Variants in TLK1 observed in about 807,000 individuals in gnomAD.
The protein encoded by TLK1 is tousled like kinase 1.
Under a neutral mutation model 105.3 loss-of-function variants are expected in TLK1, and 24 were observed. The observed-to-expected ratio is 0.23, with a 90% CI of 0.17 to 0.32. The LOEUF is 0.32. Ranked by LOEUF, TLK1 falls within the 10% of genes least tolerant of loss-of-function variation. The pLI, the probability that TLK1 is intolerant of heterozygous loss-of-function variation, is 1.00. For missense variants in TLK1, 558 were observed against 910.5 expected, an observed-to-expected ratio of 0.61 and a Z score of 4.98; for synonymous variants, 321 against 310.4, an observed-to-expected ratio of 1.03 and a Z score of -0.36.
At chr2:171,195,463 A>G (rs1485791459) in intron 1 of TLK1, among the ~76,000 whole-genome samples, 2 of 145,996 alleles carry the variant, frequency 1.4e-5, no homozygotes, top group Admixed American at 7.1e-5. Context: ...AGATGGCGCC[A>G]CTGCACTCCA....
At chr2:171,129,759 A>C (rs867394532) in intron 1 of TLK1, among the ~76,000 whole-genome samples, 8 of 152,174 alleles carry the variant, frequency 5.3e-5, no homozygotes, top group Middle Eastern at 3.4e-3. Context: ...GAGCCCAGGA[A>C]GTAGAGGCTG....
chr2:171,028,215 G>C, intron 12 of TLK1, 124 bp downstream of exon 12: 3 of 701,066 alleles, frequency 4.3e-6, no homozygotes, highest in Non-Finnish European at 7.5e-6. Flanking sequence ...TTTTTAATCT[G>C]AAATTTTTAA....
At chr2:171,123,614 C>T (rs965551699) in intron 1 of TLK1, among the ~76,000 whole-genome samples, 1 of 152,142 alleles carries the variant, frequency 6.6e-6, no homozygotes, top group Non-Finnish European at 1.5e-5. Context: ...CCGAGACCAG[C>T]CTGGGCAACA....
rs765863809 is a variant in TLK1 at position 171,046,282 on chromosome 2, G to A, written c.1061C>T (p.Ala354Val). Residue 354 changes from alanine (A) to valine (V), a missense_variant, in exon 11 of 21, where the codon GCT (alanine) becomes GTT (valine). Coordinates refer to ENST00000431350, the MANE Select transcript of TLK1 (RefSeq NM_012290.5). The part of the protein sequence containing the change: ...KLLAKRKPPT[A>V]NNSQAPSTNS... The stretch of plus-strand genomic sequence containing the variant: ...GGTAGAGGGTGCCTGAGAATTATTA[G>A]CTGTGGGAGGTTTGCGTTTGGCTAG... 46 of 1,613,406 alleles carry A rather than the reference G, an allele frequency of 2.9e-5. No homozygotes were observed. Among genetic ancestry groups the A allele is most frequent in the Non-Finnish European group, 3.5e-5 (41 of 1,179,682 alleles).
chr2:171,033,913 CACA>C (rs1030377832), intron 11 of TLK1, among the ~76,000 whole-genome samples: 1 of 147,050 alleles, frequency 6.8e-6, no homozygotes, highest in African/African-American at 2.5e-5. Flanking sequence ...AAAAACCTCC[CACA>C]ACAACAAAAC....
Position 171,184,168 on chromosome 2 carries a change from G to A in TLK1, c.-6+46977C>T, listed in dbSNP as rs1692979042. ...GGGCCAAAAGCCAAGGAACGAGGGT[G>A]GCTTCTAGAAGCTAGAAAAGGCAGG... On this transcript the variant is annotated intron_variant, in intron 1 of 20. Transcript: ENST00000521943. 2.0e-5 allele frequency among the ~76,000 whole-genome samples: 3 copies of A among 152,144 alleles called. No individual in the cohort carries two copies. In the South Asian group the frequency reaches 6.2e-4, roughly 32 times the overall value.
rs1210821850 is a variant in TLK1 at position 171,160,754 on chromosome 2, G to A, written c.-326C>T. 6.6e-5 allele frequency: 29 copies of A among 436,764 alleles called. No homozygotes were observed. Among genetic ancestry groups the A allele is most frequent in the East Asian group, 5.7e-4 (16 of 28,040 alleles). The allele number at this position is 436,764 out of a possible 1,614,324, so 27.1% of individuals were successfully genotyped here. A position where few individuals can be genotyped will look rare whatever the true frequency, so the allele number is the denominator to read the frequency against. ...CCGGGCCGGGGTCGGAGCGCGGGCG[G>A]AGCGCGGGCTGCGCCGGCCGAGGAC... On this transcript the variant is annotated 5_prime_UTR_variant, in exon 1 of 21. Transcript: ENST00000431350. The surrounding 1 kb of genome is among the most constrained non-coding windows in gnomAD (Gnocchi z 4.4).
At chr2:171,074,407 C>A (rs1322452974) in intron 3 of TLK1, among the ~76,000 whole-genome samples, 2 of 151,924 alleles carry the variant, frequency 1.3e-5, no homozygotes, top group East Asian at 3.9e-4. Context: ...GCAGGCAGAT[C>A]ATTTGAGGTC....
Position 171,056,561 on chromosome 2 carries a change from C to G in TLK1, c.459G>C (p.Gln153His), listed in dbSNP as rs1482714919. The G allele has an allele frequency of 6.2e-7, 1 of 1,611,538 alleles. No homozygotes were observed. ...GHKISDYFEY[Q>H]GGNGSSPVRG... is the part of the protein sequence containing the mutation. The stretch of plus-strand genomic sequence containing the variant: ...TTACTGGACTTGAGCCATTTCCACC[C>G]TGGTACTGAGTAAAAGAAAAAGGAA... The change falls in exon 6 of 21, where the codon CAG (glutamine) becomes CAC (histidine). Residue 153 changes from glutamine (Q) to histidine (H), a missense_variant. Physicochemically the swap from Gln to His is conservative, Grantham distance 24. This residue lies in a region of TLK1 where 196 missense variants were observed against 239.3 expected (regional missense o/e 0.82). Coordinates refer to ENST00000431350, the MANE Select transcript of TLK1 (RefSeq NM_012290.5).
At chr2:171,087,492 A>G (rs1689033994) in intron 2 of TLK1, among the ~76,000 whole-genome samples, 2 of 152,206 alleles carry the variant, frequency 1.3e-5, no homozygotes, top group Admixed American at 6.5e-5. Flanking sequence ...ACCATGAAGC[A>G]GTCTAAGATA....
At chr2:171,148,891 ATAT>A (rs781087197) in intron 1 of TLK1, among the ~76,000 whole-genome samples, 1,462 of 120,574 alleles carry the variant, frequency 0.012, 16 homozygotes, top group Non-Finnish European at 0.017. Context: ...AAAAAAAAAA[ATAT>A]ATATATATAT....
intron 4 of TLK1, chr2:171,059,803 A>T (rs1687662769): frequency 2.9e-6 from 2 of 695,826 alleles, no homozygotes; most frequent in Admixed American, 2.0e-5. Context: ...GGAGTGCATA[A>T]CCTGGATCCC....
chr2:171,092,574 T>C (rs1437369433), intron 2 of TLK1, among the ~76,000 whole-genome samples: 5 of 152,234 alleles, frequency 3.3e-5, no homozygotes, highest in Non-Finnish European at 7.3e-5. Context: ...TAGATTTAAT[T>C]AGAACACTTC....
chr2:171,158,271 A>G lies in TLK1; in HGVS notation c.139+2019T>C, dbSNP rs568251234. 1.1e-4 allele frequency among the ~76,000 whole-genome samples: 16 copies of G among 152,342 alleles called. No individual in the cohort carries two copies. In the South Asian group the frequency reaches 3.3e-3, roughly 32 times the overall value. ...CTCGGTGTGAAGTGTAACTTTCACAAAAGCCTGTCCTATGATTTCATGAAT... is the reference window on the plus strand; with the variant it reads ...CTCGGTGTGAAGTGTAACTTTCACAGAAGCCTGTCCTATGATTTCATGAAT... On this transcript the variant is annotated intron_variant, in intron 1 of 20. Coordinates refer to ENST00000431350, the MANE Select transcript of TLK1 (RefSeq NM_012290.5).
At chr2:171,033,970 C>G (rs768995700) in intron 11 of TLK1, among the ~76,000 whole-genome samples, 5 of 148,530 alleles carry the variant, frequency 3.4e-5, no homozygotes, top group Non-Finnish European at 7.4e-5. Flanking sequence ...CTTGAATAGA[C>G]ATTTCTCCAA....
At chr2:170,994,781 A>G in intron 20 of TLK1, 1 of 463,670 alleles carries the variant, frequency 2.2e-6, no homozygotes, top group Non-Finnish European at 4.3e-6. Flanking sequence ...TTATATAAAT[A>G]GAATTATAAA....
chr2:171,149,922 GAAAA>G (rs1265172499), intron 1 of TLK1, among the ~76,000 whole-genome samples: 1 of 151,518 alleles, frequency 6.6e-6, no homozygotes, highest in Non-Finnish European at 1.5e-5. Context: ...AAAGGAAAAA[GAAAA>G]AGAAAGAAAG....
chr2:171,001,096 T>C (rs1684344300), intron 18 of TLK1, among the ~76,000 whole-genome samples: 1 of 152,228 alleles, frequency 6.6e-6, no homozygotes, highest in Admixed American at 6.5e-5. Flanking sequence ...ATGCAACAAC[T>C]GGACACGGTT....
intron 10 of TLK1, among the ~76,000 whole-genome samples, chr2:171,049,036 C>A (rs1687101852): frequency 6.6e-6 from 1 of 152,024 alleles, no homozygotes; most frequent in South Asian, 2.1e-4. Context: ...AACAGAAAAC[C>A]AAACACCGCA....
Sources: allele counts gnomAD v4.1 joint callset (sites outside exome capture counted in the v4.1 genomes callset), GRCh38; gene constraint gnomAD v4.1.1; regional missense constraint gnomAD v4.1.1; non-coding constraint Gnocchi (gnomAD v3.1); transcripts MANE v1.5; gene names NCBI Gene and HGNC (gene_info 2026-07-23, HGNC 2026-07-21).